The following PDE6C variants were observed in gnomAD, a reference collection of about 807,000 sequenced individuals.
The protein encoded by PDE6C is phosphodiesterase 6C, also known as cone cGMP-specific 3',5'-cyclic phosphodiesterase subunit alpha'.
Under a neutral mutation model 113.1 loss-of-function variants are expected in PDE6C, and 75 were observed. The ratio of observed to expected loss-of-function variants is 0.66; its 90% CI spans 0.55 to 0.80. The LOEUF is 0.80. Among genes scored for constraint, PDE6C ranks in the 30% least tolerant of loss-of-function variants. PDE6C has a pLI of 0.00. For synonymous variants in PDE6C, 375 were observed against 363.7 expected (o/e 1.03, Z -0.35); for missense variants, 912 against 1,038.6 (o/e 0.88, Z 1.67).
intron 13 of PDE6C, 31 bp downstream of exon 13, chr10:93,640,588 A>T: frequency 7.3e-7 from 1 of 1,363,326 alleles, no homozygotes; most frequent in East Asian, 2.3e-5. Flanking sequence ...ATCCTTGTAA[A>T]CCTGCAGATT....
Position 93,659,369 on chromosome 10 carries a change from T to C in PDE6C, c.2208+202T>C, listed in dbSNP as rs576285043. ...GGAGAATTCTTTCTTGAAAGAATTC[T>C]TTAACATTGAAACACTGTAAATAAT... On this transcript the variant is annotated intron_variant, in intron 18 of 21. Coordinates refer to ENST00000371447, the MANE Select transcript of PDE6C (RefSeq NM_006204.4). Among the ~76,000 whole-genome samples, 3 of 152,310 alleles carry C rather than the reference T, an allele frequency of 2.0e-5. No homozygotes were observed. The South Asian group carries it at 6.2e-4, about 32-fold the overall frequency.
At chr10:93,655,610 C>CAAAAA in intron 15 of PDE6C, 150 bp from the exon 16 acceptor site, 4 of 331,796 alleles carry the variant, frequency 1.2e-5, no homozygotes, top group African/African-American at 9.0e-5. Context: ...AAAAGCAAGC[C>CAAAAA]AAAAAAAAAA....
rs77027904 is a variant in PDE6C at position 93,647,648 on chromosome 10, T to C, written c.1935+1601T>C. Among the ~76,000 whole-genome samples, 1,196 of 152,266 alleles carry C rather than the reference T, an allele frequency of 7.9e-3. 8 individuals carry two copies. Among genetic ancestry groups the C allele is most frequent in the African/African-American group, 0.022 (896 of 41,562 alleles). ...ACCTGGACCAACTCTTTCAGACTCA[T>C]TAATTTAACAGGGCGGGGGCAGACA... On this transcript the variant is annotated intron_variant, in intron 15 of 21. Transcript: ENST00000371447.
At chr10:93,632,972 T>C (rs1272051029) in intron 8 of PDE6C, among the ~76,000 whole-genome samples, 1 of 152,120 alleles carries the variant, frequency 6.6e-6, no homozygotes, top group Non-Finnish European at 1.5e-5. Flanking sequence ...GTTAGAAAAA[T>C]TAGAAAGGCT....
rs1589693399 is a variant in PDE6C, at chr10:93,621,839, A to G, written c.724-93A>G. On this transcript the variant is annotated intron_variant, in intron 3 of 21. Coordinates refer to ENST00000371447, the MANE Select transcript of PDE6C (RefSeq NM_006204.4). Reference sequence around the variant, plus strand: ...CTTTCCAATGATATGCATTTATTTTATTTGATGCACCTCATGTTTTCTTGT... The same window carrying G: ...CTTTCCAATGATATGCATTTATTTTGTTTGATGCACCTCATGTTTTCTTGT... 10 of 1,169,884 alleles carry G rather than the reference A, an allele frequency of 8.5e-6. No individual in the cohort carries two copies. The South Asian group carries it at 1.2e-4, about 14-fold the overall frequency. The allele number at this position is 1,169,884 out of a possible 1,614,324, so 72.5% of individuals were successfully genotyped here. A position where few individuals can be genotyped will look rare whatever the true frequency, so the allele number is the denominator to read the frequency against.
At chr10:93,665,270 A>C in intron 21 of PDE6C, 90 bp from the exon 22 acceptor site, 1 of 987,664 alleles carries the variant, frequency 1.0e-6, no homozygotes, top group South Asian at 1.3e-5. Context: ...ATTAGTCTAC[A>C]AAGTTGACAC....
Position 93,620,685 on chromosome 10 carries a change from C to A in PDE6C, c.534C>A (p.Asn178Lys). 1 of 1,614,126 alleles carries A rather than the reference C, an allele frequency of 6.2e-7. No individual in the cohort carries two copies. The highest frequency in any genetic ancestry group is 8.5e-7 in the Non-Finnish European group (1 of 1,180,006). The change falls in exon 2 of 22, where the codon AAC becomes AAA. Residue 178 changes from asparagine to lysine, a missense_variant. By Grantham distance (94) the Asn-to-Lys change is moderately conservative (BLOSUM62 0). Coordinates refer to ENST00000371447, the MANE Select transcript of PDE6C (RefSeq NM_006204.4). ...AGCAAACTGGGTATGTCACTAAGAA[C>A]CTGCTGGCAACCCCGATCGTGGTGG... ...MDKQTGYVTK[N>K]LLATPIVVGK...
At position 93,663,187 on chromosome 10, in the gene PDE6C, G is replaced by A. The variant is rs1168714860; in HGVS notation, c.2518+9G>A. ...AGGAGGAGCCGAAAAAGGTTAGATG[G>A]GCTCTGTTTTTGCTCCCTGTAATGT... On this transcript the variant is annotated intron_variant, in intron 21 of 21. Coordinates refer to ENST00000371447, the MANE Select transcript of PDE6C (RefSeq NM_006204.4). The A allele has an allele frequency of 6.2e-7, 1 of 1,612,544 alleles. No individual in the cohort carries two copies.
intron 21 of PDE6C, 54 bp from the exon 22 acceptor site, chr10:93,665,306 A>C: frequency 6.2e-6 from 8 of 1,294,202 alleles, no homozygotes; most frequent in Non-Finnish European, 7.9e-6. Context: ...GTTAGAATAA[A>C]AACACTGTAT....
intron 8 of PDE6C, 63 bp downstream of exon 8, chr10:93,629,368 C>T (rs1289193088): frequency 5.1e-6 from 6 of 1,174,948 alleles, no homozygotes; most frequent in South Asian, 1.2e-5. Context: ...GATGCTCTCG[C>T]CTCTCCTCCA....
intron 1 of PDE6C, among the ~76,000 whole-genome samples, chr10:93,614,682 T>C (rs574163828): frequency 7.7e-4 from 117 of 152,280 alleles, no homozygotes; most frequent in African/African-American, 2.7e-3. Context: ...TGATTTCTGC[T>C]GTTATACTTT....
chr10:93,655,499 T>C (rs2058632207), intron 15 of PDE6C, among the ~76,000 whole-genome samples: 1 of 151,388 alleles, frequency 6.6e-6, no homozygotes, highest in African/African-American at 2.4e-5. Flanking sequence ...AAACACTGAT[T>C]ACATGAATAT....
intron 15 of PDE6C, among the ~76,000 whole-genome samples, chr10:93,654,661 ACTAT>A (rs759871584): frequency 2.6e-5 from 4 of 152,138 alleles, no homozygotes; most frequent in Non-Finnish European, 5.9e-5. Flanking sequence ...TGGCAAAATC[ACTAT>A]CTATCTGTCA....
chr10:93,629,196 T>C lies in PDE6C; in HGVS notation c.1072-62T>C, dbSNP rs1056336430. On this transcript the variant is annotated intron_variant, in intron 7 of 21. Coordinates refer to ENST00000371447, the MANE Select transcript of PDE6C (RefSeq NM_006204.4). ...CAATGCGTTCTTTCTTATTCTGCTT[T>C]GTGGATCAAGAGGGCTCCACTACAC... 3.8e-6 allele frequency: 5 copies of C among 1,304,742 alleles called. No homozygotes were observed. The African/African-American group carries it at 5.8e-5, about 15-fold the overall frequency. The allele number at this position is 1,304,742 out of a possible 1,614,324, so 80.8% of individuals were successfully genotyped here.
intron 4 of PDE6C, 47 bp downstream of exon 4, chr10:93,622,119 A>C (rs367720586): frequency 3.0e-5 from 46 of 1,541,192 alleles, no homozygotes; most frequent in South Asian, 1.1e-4. Flanking sequence ...TCGCCTATAT[A>C]ACACACACCA....
chr10:93,655,977 GAC>G (rs142512994), intron 16 of PDE6C, 117 bp downstream of exon 16: 2,678 of 716,306 alleles, frequency 3.7e-3, no homozygotes, highest in Middle Eastern at 5.3e-3. Flanking sequence ...CACACACACA[GAC>G]ACACACACAC....
In PDE6C at chr10:93,612,544, C is replaced by A; in HGVS notation, c.-182C>A. The A allele has an allele frequency of 1.3e-6, 1 of 766,822 alleles. No homozygotes were observed. The allele number at this position is 766,822 out of a possible 1,614,324, so 47.5% of individuals were successfully genotyped here. ...CCTAAGCCAGGGCCTTCTGTCACAT[C>A]CCAAGAGTTACAGGCAGTTTGAAAG... On this transcript the variant is annotated 5_prime_UTR_variant, in exon 1 of 22. Coordinates refer to ENST00000371447, the MANE Select transcript of PDE6C (RefSeq NM_006204.4).
At chr10:93,616,686 G>A (rs963398407) in intron 1 of PDE6C, among the ~76,000 whole-genome samples, 4 of 126,376 alleles carry the variant, frequency 3.2e-5, no homozygotes, top group South Asian at 2.5e-4. Context: ...ACGGAGTCTC[G>A]CTCTGTCACA....
At chr10:93,653,014 A>G (rs1253472185) in intron 15 of PDE6C, among the ~76,000 whole-genome samples, 2 of 152,142 alleles carry the variant, frequency 1.3e-5, no homozygotes, top group African/African-American at 4.8e-5. Context: ...TTCCTAGTAT[A>G]GCAATCAAGG....
Sources: allele counts gnomAD v4.1 joint callset (sites outside exome capture counted in the v4.1 genomes callset), GRCh38; gene constraint gnomAD v4.1.1; transcripts MANE v1.5; gene names NCBI Gene and HGNC (gene_info 2026-07-23, HGNC 2026-07-21).